The following ERMP1 variants were observed in gnomAD, a reference collection of about 807,000 sequenced individuals.
ERMP1 encodes endoplasmic reticulum metallopeptidase 1.
ERMP1 carries 86 observed loss-of-function variants against 92.0 expected under a neutral mutation model. The observed-to-expected ratio is 0.93, with a 90% CI of 0.79 to 1.12. ERMP1 has a LOEUF of 1.12. Among genes scored for constraint, ERMP1 ranks in the 50% most tolerant of loss-of-function variants. The pLI, the probability that ERMP1 is intolerant of heterozygous loss-of-function variation, is 0.00. For missense variants in ERMP1, 1,342 were observed against 1,116.3 expected (o/e 1.20, Z -2.88); for synonymous variants, 530 against 412.8 (o/e 1.28, Z -3.44).
In ERMP1 at chr9:5,832,835, CCG is replaced by C; in HGVS notation, c.191_192del (p.Ala64GlyfsTer6). ...PGGSGGASRGAGTGLSEVRAA... is the reference protein window; with the variant it reads ...PGGSGGASRGXGTGLSEVRAA... ...GCGCGCACCTCAGACAGCCCGGTCCCCGCGCCCCTGCTCGCGCCGCCGCTACC... is the reference window on the plus strand; with the variant it reads ...GCGCGCACCTCAGACAGCCCGGTCCCCGCCCCTGCTCGCGCCGCCGCTACC... On this transcript the variant is annotated frameshift_variant, in exon 1 of 15. Transcript: ENST00000339450. LOFTEE classifies it high-confidence loss of function. 1 of 1,502,476 alleles carries C rather than the reference CCG, an allele frequency of 6.7e-7. No individual in the cohort carries two copies. 93.1% of individuals were successfully genotyped at this position (1,502,476 alleles called of 1,614,324 possible).
intron 13 of ERMP1, among the ~76,000 whole-genome samples, chr9:5,797,596 C>T (rs1828482936): frequency 1.3e-5 from 2 of 150,384 alleles, no homozygotes; most frequent in Non-Finnish European, 1.5e-5. Flanking sequence ...TGCAGTGAGC[C>T]GAGATCGTAC....
chr9:5,832,660 C>G (rs1829995700), intron 1 of ERMP1, 30 bp downstream of exon 1: 1 of 1,369,744 alleles, frequency 7.3e-7, no homozygotes, highest in South Asian at 1.6e-5. Flanking sequence ...AACGGACGCG[C>G]GGGCCGTGCC....
rs143299195 is a variant in ERMP1 at position 5,863,460 on chromosome 9, A to G, written n.3056-3849T>C. Among the ~76,000 whole-genome samples, 957 of 152,320 alleles carry G rather than the reference A, an allele frequency of 6.3e-3. 13 individuals carry two copies. Among genetic ancestry groups the G allele is most frequent in the African/African-American group, 0.022 (920 of 41,562 alleles). On this transcript the variant is annotated intron_variant and non_coding_transcript_variant, in intron 5 of 6. Coordinates refer to the ERMP1 transcript ENST00000690753. The stretch of plus-strand genomic sequence containing the variant: ...TTACTGAGGTAAGAAAATGAAAATG[A>G]TAAGAACCAGAGGGCAAAGCCTGCC...
chr9:5,831,081 C>A (rs1386969616), intron 1 of ERMP1, 53 bp from the exon 2 acceptor site: 5 of 1,480,554 alleles, frequency 3.4e-6, no homozygotes, highest in East Asian at 4.6e-5. Context: ...TGACACTTAG[C>A]GTGGGTAACT....
intron 6 of ERMP1, among the ~76,000 whole-genome samples, chr9:5,811,642 T>C (rs761492196): frequency 6.6e-5 from 10 of 152,242 alleles, no homozygotes; most frequent in African/African-American, 9.6e-5. Flanking sequence ...TGTACCTTCA[T>C]TGTTGACAAA....
At chr9:5,799,163 CTTTAT>C (rs975288039) in intron 11 of ERMP1, among the ~76,000 whole-genome samples, 155 bp from the exon 12 acceptor site, 2 of 152,108 alleles carry the variant, frequency 1.3e-5, no homozygotes, top group African/African-American at 4.8e-5. Context: ...TGCTAGCGTT[CTTTAT>C]TTTAAACTGG....
intron 2 of ERMP1, among the ~76,000 whole-genome samples, chr9:5,825,462 G>A (rs1292977279): frequency 6.6e-6 from 1 of 152,136 alleles, no homozygotes; most frequent in East Asian, 1.9e-4. Context: ...ACCCACCAGA[G>A]TCACTCAATT....
At chr9:5,863,749 C>T (rs1830569751) in intron 5 of ERMP1, among the ~76,000 whole-genome samples, 1 of 152,200 alleles carries the variant, frequency 6.6e-6, no homozygotes, top group Non-Finnish European at 1.5e-5. Flanking sequence ...TACATGTATT[C>T]ATCATCAAAA....
intron 4 of ERMP1, among the ~76,000 whole-genome samples, chr9:5,817,243 G>A (rs1336198999): frequency 1.4e-5 from 2 of 147,342 alleles, no homozygotes; most frequent in Non-Finnish European, 3.0e-5. Context: ...AGGCTGGAAT[G>A]CAATGGCATG....
chr9:5,852,531 C>T lies in ERMP1; in HGVS notation n.3199+6937G>A, dbSNP rs779638439. Among the ~76,000 whole-genome samples, 145 of 151,956 alleles carry T rather than the reference C, an allele frequency of 9.5e-4. 4 individuals carry two copies. Among genetic ancestry groups the T allele is most frequent in the Non-Finnish European group, 2.6e-4 (18 of 68,016 alleles). On this transcript the variant is annotated intron_variant and non_coding_transcript_variant, in intron 6 of 6. Transcript: ENST00000690753. Reference sequence around the variant, plus strand: ...TCAGCCTTTGAAAGTGCTGGGATTACAGGTGTGAACCACTGTACCCCACCA... The same window carrying T: ...TCAGCCTTTGAAAGTGCTGGGATTATAGGTGTGAACCACTGTACCCCACCA...
At chr9:5,843,910 G>C (rs764142820) in intron 6 of ERMP1, among the ~76,000 whole-genome samples, 34 of 152,138 alleles carry the variant, frequency 2.2e-4, no homozygotes, top group African/African-American at 6.3e-4. Context: ...TGTGTCCTGG[G>C]GGGAGGAAGG....
In ERMP1 at chr9:5,810,990, T is replaced by G; in HGVS notation, c.1327+121A>C. 3 of 632,010 alleles carry G rather than the reference T, an allele frequency of 4.7e-6. No homozygotes were observed. In the Admixed American group the frequency reaches 9.3e-5, roughly 20 times the overall value. The allele number at this position is 632,010 out of a possible 1,614,324, so 39.2% of individuals were successfully genotyped here. On this transcript the variant is annotated intron_variant, in intron 7 of 14. Coordinates refer to ENST00000339450, the MANE Select transcript of ERMP1 (RefSeq NM_024896.3). ...TAATATTTAAAAATTTCTTACAATA[T>G]AAAGCAAACATTGTCTTAAGATTTT...
At chr9:5,815,541 G>C (rs1829271513) in intron 4 of ERMP1, among the ~76,000 whole-genome samples, 2 of 145,446 alleles carry the variant, frequency 1.4e-5, no homozygotes, top group South Asian at 4.4e-4. Flanking sequence ...CCTTCTTGCA[G>C]AATTCCAACT....
At chr9:5,861,171 G>A (rs1045989097) in intron 5 of ERMP1, among the ~76,000 whole-genome samples, 5 of 18,786 alleles carry the variant, frequency 2.7e-4, no homozygotes, top group South Asian at 1.7e-3. Flanking sequence ...GGCTTAGGGG[G>A]TGTGTGTGTG....
chr9:5,848,270 G>C (rs754992461), intron 6 of ERMP1, among the ~76,000 whole-genome samples: 2 of 152,156 alleles, frequency 1.3e-5, no homozygotes, highest in Non-Finnish European at 2.9e-5. Context: ...GAAGGAAAGC[G>C]GGAAGTAGGA....
intron 6 of ERMP1, among the ~76,000 whole-genome samples, chr9:5,840,484 G>A (rs566599334): frequency 6.6e-6 from 1 of 152,280 alleles, no homozygotes; most frequent in Admixed American, 6.5e-5. Context: ...TGAATGTCAG[G>A]TCTGCACTGC....
chr9:5,803,853 A>G (rs1828767923), intron 10 of ERMP1, among the ~76,000 whole-genome samples: 1 of 152,170 alleles, frequency 6.6e-6, no homozygotes, highest in African/African-American at 2.4e-5. Flanking sequence ...ATTATCCTAT[A>G]AGTAAAATGG....
chr9:5,832,820 C>G lies in ERMP1; in HGVS notation c.208G>C (p.Glu70Gln). ...ASRGAGTGLS[E>Q]VRAALGLALY... is the part of the protein sequence containing the mutation. ...GCGAGCCCCAGCGCGGCGCGCACCT[C>G]AGACAGCCCGGTCCCCGCGCCCCTG... The change falls in exon 1 of 15, where the codon GAG becomes CAG. Residue 70 changes from glutamate (E) to glutamine (Q), a missense_variant. Physicochemically the swap from Glu to Gln is conservative, Grantham distance 29. Coordinates refer to ENST00000339450, the MANE Select transcript of ERMP1 (RefSeq NM_024896.3). The G allele has an allele frequency of 6.7e-7, 1 of 1,503,052 alleles. No homozygotes were observed. The highest frequency in any genetic ancestry group is 1.4e-5 in the African/African-American group (1 of 69,050). The allele number at this position is 1,503,052 out of a possible 1,614,324, so 93.1% of individuals were successfully genotyped here.
intron 2 of ERMP1, among the ~76,000 whole-genome samples, 181 bp from the exon 3 acceptor site, chr9:5,825,400 T>TTA (rs1829694768): frequency 6.6e-6 from 1 of 152,182 alleles, no homozygotes; most frequent in Non-Finnish European, 1.5e-5. Context: ...CATGAAGGGA[T>TTA]CTTTGTCTGG....
Sources: allele counts gnomAD v4.1 joint callset (sites outside exome capture counted in the v4.1 genomes callset), GRCh38; gene constraint gnomAD v4.1.1; transcripts MANE v1.5; gene names NCBI Gene and HGNC (gene_info 2026-07-23, HGNC 2026-07-21).